The following PCDHGB2 variants were observed in gnomAD, a reference collection of about 807,000 sequenced individuals.
PCDHGB2 encodes protocadherin gamma subfamily B, 2.
A neutral mutation model predicts 59.3 loss-of-function variants in PCDHGB2; 55 were observed. That is an observed-to-expected ratio of 0.93 (90% CI 0.75 to 1.16). The LOEUF is 1.16. Among genes scored for constraint, PCDHGB2 ranks in the 50% most tolerant of loss-of-function variants. The pLI is 0.00. For missense variants in PCDHGB2, 1,228 were observed against 1,198.5 expected, an observed-to-expected ratio of 1.02 and a Z score of -0.36; for synonymous variants, 516 against 512.0, an observed-to-expected ratio of 1.01 and a Z score of -0.11.
chr5:141,375,133 A>C, intron 1 of PCDHGB2: 1 of 1,613,958 alleles, frequency 6.2e-7, no homozygotes, highest in South Asian at 1.1e-5. Context: ...TGGTTGTTAC[A>C]TCTGGAAGCA....
intron 1 of PCDHGB2, among the ~76,000 whole-genome samples, chr5:141,452,353 AG>A (rs556616398): frequency 5.9e-5 from 9 of 152,206 alleles, no homozygotes; most frequent in Non-Finnish European, 1.3e-4. Context: ...TTTATCCAAA[AG>A]CCTTGCTTCA....
intron 1 of PCDHGB2, chr5:141,365,253 A>G (rs1763814300): frequency 8.7e-6 from 14 of 1,613,978 alleles, no homozygotes; most frequent in Non-Finnish European, 1.1e-5. Context: ...CAATCACTGG[A>G]CTATGAAGAA....
At chr5:141,461,979 A>C (rs1420971777) in intron 1 of PCDHGB2, among the ~76,000 whole-genome samples, 1 of 152,144 alleles carries the variant, frequency 6.6e-6, no homozygotes, top group Non-Finnish European at 1.5e-5. Context: ...ATATGCCACC[A>C]CGCCAGGCTA....
In PCDHGB2 at chr5:141,486,487, C is replaced by T; in HGVS notation, c.2422-8320C>T. ...CTGGGAACCCTCCTCTCAGTACCCA[C>T]AGAACTATTTTCCTCAATATTTCAG... On this transcript the variant is annotated intron_variant, in intron 1 of 3. Coordinates refer to ENST00000522605, the MANE Select transcript of PCDHGB2 (RefSeq NM_018923.3). This position sits in a 1 kb window ranked among gnomAD's most constrained non-coding sequence, Gnocchi z 5.0. 1 of 1,614,086 alleles carries T rather than the reference C, an allele frequency of 6.2e-7. No individual in the cohort carries two copies. Among genetic ancestry groups the T allele is most frequent in the Non-Finnish European group, 8.5e-7 (1 of 1,179,918 alleles).
intron 1 of PCDHGB2, chr5:141,393,109 G>C (rs2092681202): frequency 1.2e-6 from 2 of 1,613,430 alleles, no homozygotes; most frequent in Non-Finnish European, 1.7e-6. Context: ...TGCGCTCAGA[G>C]CCCGCGGTGT....
At chr5:141,458,064 C>G (rs886724551) in intron 1 of PCDHGB2, among the ~76,000 whole-genome samples, 1 of 152,104 alleles carries the variant, frequency 6.6e-6, no homozygotes, top group Admixed American at 6.6e-5. Flanking sequence ...TGCACTGATG[C>G]GAACAACTAT....
chr5:141,378,647 G>A lies in PCDHGB2; in HGVS notation c.2421+16091G>A, dbSNP rs576972610. On this transcript the variant is annotated intron_variant, in intron 1 of 3. Coordinates refer to ENST00000522605, the MANE Select transcript of PCDHGB2 (RefSeq NM_018923.3). Reference sequence around the variant, plus strand: ...CTGACTGGTGAATGGGAGAACAAATGTTAATGAGGTTCAAATAAAAATTTA... The same window carrying A: ...CTGACTGGTGAATGGGAGAACAAATATTAATGAGGTTCAAATAAAAATTTA... 11 of 152,304 alleles carry A rather than the reference G, an allele frequency of 7.2e-5. No homozygotes were observed. The East Asian group carries it at 1.9e-3, about 27-fold the overall frequency. 9.4% of individuals were successfully genotyped at this position (152,304 alleles called of 1,614,324 possible).
chr5:141,499,138 G>A (rs765607930), intron 2 of PCDHGB2, among the ~76,000 whole-genome samples: 12 of 152,144 alleles, frequency 7.9e-5, no homozygotes, highest in Non-Finnish European at 1.5e-4. Flanking sequence ...TCCTTTGGGT[G>A]TCTGATCCCA....
At chr5:141,501,510 T>G (rs11744379) in intron 2 of PCDHGB2, among the ~76,000 whole-genome samples, 29,206 of 151,772 alleles carry the variant, frequency 0.19, 2,837 homozygotes, top group Middle Eastern at 0.24. Context: ...CTCCAAGGCC[T>G]CCAAGCTGAA....
At chr5:141,422,926 GC>G in intron 1 of PCDHGB2, 1 of 1,614,230 alleles carries the variant, frequency 6.2e-7, no homozygotes, top group Non-Finnish European at 8.5e-7. Flanking sequence ...CCTGTACCCT[GC>G]CCTCCCCACA....
chr5:141,469,510 G>T (rs1022804863), intron 1 of PCDHGB2, among the ~76,000 whole-genome samples: 3 of 152,118 alleles, frequency 2.0e-5, no homozygotes, highest in African/African-American at 7.2e-5. Context: ...GGGAGGTGGA[G>T]GTTGCAGTGA....
chr5:141,409,572 A>G (rs1440637025), intron 1 of PCDHGB2: 2 of 1,613,920 alleles, frequency 1.2e-6, no homozygotes, highest in South Asian at 1.1e-5. Context: ...CAGACGTCCT[A>G]CGTGGTCCAC....
chr5:141,407,599 AAAG>A (rs1328416590), intron 1 of PCDHGB2, among the ~76,000 whole-genome samples: 13 of 152,198 alleles, frequency 8.5e-5, no homozygotes, highest in Admixed American at 2.0e-4. Flanking sequence ...CTCATCTTAA[AAAG>A]AAGCATTGGT....
chr5:141,387,276 GAAAGAAAGATA>G (rs2090886505), intron 1 of PCDHGB2, among the ~76,000 whole-genome samples: 1 of 152,142 alleles, frequency 6.6e-6, no homozygotes, highest in Non-Finnish European at 1.5e-5. Context: ...TAGGAACAAT[GAAAGAAAGATA>G]AAATGTATCC....
At chr5:141,376,426 C>T in intron 1 of PCDHGB2, 1 of 1,614,230 alleles carries the variant, frequency 6.2e-7, no homozygotes, top group Non-Finnish European at 8.5e-7. Context: ...CGCTTATCAA[C>T]CAGGAGAGCT....
intron 1 of PCDHGB2, among the ~76,000 whole-genome samples, chr5:141,494,072 C>G (rs2099751672): frequency 6.6e-6 from 1 of 152,160 alleles, no homozygotes; most frequent in Non-Finnish European, 1.5e-5. Flanking sequence ...CTGGATCCCT[C>G]CCCGCTGCAT....
intron 1 of PCDHGB2, chr5:141,383,947 A>T (rs757638644): frequency 6.2e-7 from 1 of 1,613,788 alleles, no homozygotes; most frequent in Non-Finnish European, 8.5e-7. Context: ...AGTGACTATG[A>T]CGTCTTTAAG....
chr5:141,394,654 C>T lies in PCDHGB2; in HGVS notation c.2421+32098C>T. ...TACCGCCTGCTCAAGGCCAGCGAGCCGGGACTCTTCTCGGTGGGTCTGCAC... is the reference window on the plus strand; with the variant it reads ...TACCGCCTGCTCAAGGCCAGCGAGCTGGGACTCTTCTCGGTGGGTCTGCAC... On this transcript the variant is annotated intron_variant, in intron 1 of 3. Coordinates refer to ENST00000522605, the MANE Select transcript of PCDHGB2 (RefSeq NM_018923.3). 1.9e-6 allele frequency: 3 copies of T among 1,613,236 alleles called. No homozygotes were observed. Among genetic ancestry groups the T allele is most frequent in the Non-Finnish European group, 2.5e-6 (3 of 1,179,928 alleles).
At chr5:141,376,410 C>T (rs1042594456) in intron 1 of PCDHGB2, 20 of 1,614,226 alleles carry the variant, frequency 1.2e-5, no homozygotes, top group Non-Finnish European at 1.7e-5. Flanking sequence ...CCCAACTATG[C>T]CGACACGCTT....
Sources: gnomAD v4.1 joint callset for allele counts (sites outside exome capture counted in the v4.1 genomes callset) on GRCh38, gnomAD v4.1.1 for gene constraint, Gnocchi (gnomAD v3.1) non-coding constraint, MANE v1.5 for transcripts, NCBI Gene and HGNC (gene_info 2026-07-23, HGNC 2026-07-21) for gene names.